The following ATP2B2 variants were observed in gnomAD, a reference collection of about 807,000 sequenced individuals.
The protein encoded by ATP2B2 is ATPase plasma membrane Ca2+ transporting 2, also known as plasma membrane calcium-transporting ATPase 2.
ATP2B2 carries 15 observed loss-of-function variants against 120.0 expected under a neutral mutation model. That is an observed-to-expected ratio of 0.12 (90% CI 0.08 to 0.19). ATP2B2 has a LOEUF of 0.19. Among genes scored for constraint, ATP2B2 ranks in the 10% least tolerant of loss-of-function variants. The pLI, the probability that ATP2B2 is intolerant of heterozygous loss-of-function variation, is 1.00. For synonymous variants in ATP2B2, 694 were observed against 700.3 expected (o/e 0.99, Z 0.14); for missense variants, 1,045 against 1,719.8 (o/e 0.61, Z 6.94).
intron 22 of ATP2B2, among the ~76,000 whole-genome samples, chr3:10,337,376 G>C (rs936086487): frequency 1.6e-4 from 25 of 152,148 alleles, no homozygotes; most frequent in African/African-American, 6.0e-4. Context: ...CAGCTCCCCA[G>C]ATGGTCTGGG....
At chr3:10,544,653 C>T (rs1261136102) in intron 2 of ATP2B2, among the ~76,000 whole-genome samples, 4 of 151,984 alleles carry the variant, frequency 2.6e-5, no homozygotes, top group Admixed American at 1.3e-4. Flanking sequence ...ACAAACGATG[C>T]TTCTGCCTCT....
intron 2 of ATP2B2, among the ~76,000 whole-genome samples, chr3:10,549,051 C>A (rs918671082): frequency 6.6e-6 from 1 of 152,138 alleles, no homozygotes; most frequent in African/African-American, 2.4e-5. Flanking sequence ...TGAGGGTACA[C>A]TGATTAAATG....
intron 1 of ATP2B2, among the ~76,000 whole-genome samples, chr3:10,477,239 G>T (rs950442303): frequency 8.5e-5 from 13 of 152,146 alleles, no homozygotes; most frequent in Non-Finnish European, 1.6e-4. Context: ...TTGTGTGTGT[G>T]TGTTTTCTCT....
At chr3:10,693,996 T>G (rs146629792) in intron 1 of ATP2B2, among the ~76,000 whole-genome samples, 33 of 152,294 alleles carry the variant, frequency 2.2e-4, no homozygotes, top group Non-Finnish European at 3.8e-4. Flanking sequence ...TATTTGGAAG[T>G]AAAGGTTCAC....
intron 1 of ATP2B2, among the ~76,000 whole-genome samples, chr3:10,487,373 G>A (rs2065729143): frequency 6.6e-6 from 1 of 152,156 alleles, no homozygotes; most frequent in Non-Finnish European, 1.5e-5. Context: ...GTGCTAGAAG[G>A]AGGATGCTAG....
intron 1 of ATP2B2, among the ~76,000 whole-genome samples, chr3:10,699,452 CTATT>C (rs942613173): frequency 2.0e-5 from 3 of 152,178 alleles, no homozygotes; most frequent in African/African-American, 7.2e-5. Flanking sequence ...AACAGAATAT[CTATT>C]TATCTATCAA....
intron 1 of ATP2B2, among the ~76,000 whole-genome samples, chr3:10,491,129 C>T (rs1479648777): frequency 6.6e-6 from 1 of 151,996 alleles, no homozygotes; most frequent in East Asian, 1.9e-4. Context: ...ATGCATCCTA[C>T]TGTGGCACAC....
intron 8 of ATP2B2, among the ~76,000 whole-genome samples, chr3:10,380,050 G>A (rs1013558886): frequency 4.6e-5 from 7 of 152,180 alleles, no homozygotes; most frequent in South Asian, 2.1e-4. Flanking sequence ...CCCCAATGGG[G>A]GTGCTGACCC....
chr3:10,627,416 G>C (rs2069734140), intron 1 of ATP2B2, among the ~76,000 whole-genome samples: 1 of 152,170 alleles, frequency 6.6e-6, no homozygotes, highest in African/African-American at 2.4e-5. Context: ...CTGTAATATG[G>C]AGGCCTGGAC....
intron 2 of ATP2B2, among the ~76,000 whole-genome samples, chr3:10,555,939 C>T (rs2067768822): frequency 6.6e-6 from 1 of 152,236 alleles, no homozygotes; most frequent in Non-Finnish European, 1.5e-5. Flanking sequence ...TGCTCTGTCA[C>T]CCAGGCTGGA....
intron 2 of ATP2B2, among the ~76,000 whole-genome samples, chr3:10,606,659 AT>A (rs1464687405): frequency 2.0e-5 from 3 of 152,038 alleles, no homozygotes; most frequent in Non-Finnish European, 2.9e-5. Context: ...GGAGATGTGT[AT>A]CTGTGTGTCT....
intron 5 of ATP2B2, among the ~76,000 whole-genome samples, chr3:10,393,361 G>A (rs775380458): frequency 1.2e-4 from 19 of 152,136 alleles, no homozygotes; most frequent in Non-Finnish European, 1.5e-4. Flanking sequence ...GAGTATTTTT[G>A]GGTGGAGGGG....
At chr3:10,378,213 T>C in intron 10 of ATP2B2, 39 bp downstream of exon 10, 1 of 1,595,802 alleles carries the variant, frequency 6.3e-7, no homozygotes, top group Non-Finnish European at 8.5e-7. Flanking sequence ...GGGGTCCCCC[T>C]GTGAGCCCTG....
Position 10,340,400 on chromosome 3 carries a change from C to G in ATP2B2, c.3130-51G>C. 1 of 1,611,850 alleles carries G rather than the reference C, an allele frequency of 6.2e-7. No homozygotes were observed. The highest frequency in any genetic ancestry group is 8.5e-7 in the Non-Finnish European group (1 of 1,177,982). The stretch of plus-strand genomic sequence containing the variant: ...AGAGAGAGAGAGAGGCCATCAGGGA[C>G]CAGCACAGAGGGCTGGGCTCTCAGG... On this transcript the variant is annotated intron_variant, in intron 20 of 22. Transcript: ENST00000360273. This position sits in a 1 kb window ranked among gnomAD's most constrained non-coding sequence, Gnocchi z 5.0.
intron 1 of ATP2B2, among the ~76,000 whole-genome samples, chr3:10,681,950 T>C (rs184388046): frequency 3.9e-5 from 6 of 152,252 alleles, no homozygotes; most frequent in African/African-American, 1.4e-4. Flanking sequence ...ACTTGTTATA[T>C]GAATGGATGA....
At chr3:10,332,082 AG>A (rs759052354) in intron 22 of ATP2B2, 33 of 1,521,768 alleles carry the variant, frequency 2.2e-5, no homozygotes, top group Non-Finnish European at 2.9e-5. Flanking sequence ...GGAGAGGTCT[AG>A]GGTTCCCCCC....
intron 3 of ATP2B2, among the ~76,000 whole-genome samples, chr3:10,518,991 C>T (rs2066929877): frequency 1.3e-5 from 2 of 152,242 alleles, no homozygotes; most frequent in Non-Finnish European, 2.9e-5. Flanking sequence ...AACTAATGTT[C>T]ATGGAACACC....
intron 1 of ATP2B2, among the ~76,000 whole-genome samples, chr3:10,704,686 C>A (rs1428338836): frequency 4.6e-5 from 7 of 152,170 alleles, no homozygotes. Context: ...TTAGCAGATT[C>A]TAATTTTTAG....
At chr3:10,705,171 C>G (rs2071877444) in intron 1 of ATP2B2, among the ~76,000 whole-genome samples, 1 of 152,234 alleles carries the variant, frequency 6.6e-6, no homozygotes, top group African/African-American at 2.4e-5. Context: ...TCTCTTTGCT[C>G]TCTACCTACA....
Sources: allele counts gnomAD v4.1 joint callset (sites outside exome capture counted in the v4.1 genomes callset), GRCh38; gene constraint gnomAD v4.1.1; non-coding constraint Gnocchi (gnomAD v3.1); transcripts MANE v1.5; gene names NCBI Gene and HGNC (gene_info 2026-07-23, HGNC 2026-07-21).